MAP1B: variants seen among roughly 807,000 people sequenced by gnomAD.
MAP1B encodes the protein microtubule-associated protein 1B.
In MAP1B, 12 loss-of-function variants were observed where a neutral mutation model predicts 176.1. The observed-to-expected ratio is 0.07, with a 90% CI of 0.04 to 0.11. The LOEUF (loss-of-function observed/expected upper bound fraction) is 0.11, where lower values mean the gene tolerates loss of function less well. MAP1B is among the 10% of genes least tolerant of loss of function. MAP1B has a pLI of 1.00. For synonymous variants in MAP1B, 1,044 were observed against 1,135.0 expected, an observed-to-expected ratio of 0.92 and a Z score of 1.61; for missense variants, 2,523 against 2,990.5, an observed-to-expected ratio of 0.84 and a Z score of 3.65.
At chr5:72,128,408 TA>T (rs35834892) in intron 2 of MAP1B, among the ~76,000 whole-genome samples, 59,779 of 141,046 alleles carry the variant, frequency 0.42, 12,133 homozygotes, top group African/African-American at 0.47. Context: ...GATATTGTTT[TA>T]AAAAAAAAAA....
At chr5:72,169,252 T>G (rs747365381) in intron 2 of MAP1B, among the ~76,000 whole-genome samples, 27 of 152,210 alleles carry the variant, frequency 1.8e-4, no homozygotes, top group Non-Finnish European at 3.5e-4. Flanking sequence ...AAACAACTCC[T>G]GACACTTTGG....
chr5:72,174,971 C>T (rs1395493739), intron 2 of MAP1B, among the ~76,000 whole-genome samples: 1 of 119,442 alleles, frequency 8.4e-6, no homozygotes, highest in African/African-American at 3.2e-5. Flanking sequence ...CCTTCCTTCC[C>T]GCCTTCCCTC....
intron 2 of MAP1B, among the ~76,000 whole-genome samples, chr5:72,150,081 A>G (rs935913652): frequency 1.3e-5 from 2 of 152,160 alleles, no homozygotes; most frequent in Admixed American, 6.5e-5. Context: ...GTTTTTACCC[A>G]TTTTTTGAAA....
At chr5:72,131,332 T>C (rs1238895374) in intron 2 of MAP1B, among the ~76,000 whole-genome samples, 2 of 152,168 alleles carry the variant, frequency 1.3e-5, no homozygotes, top group Non-Finnish European at 2.9e-5. Context: ...ATTTTATTAT[T>C]ATTATTTTCC....
chr5:72,138,545 T>C (rs560877669), intron 2 of MAP1B, among the ~76,000 whole-genome samples: 1 of 152,304 alleles, frequency 6.6e-6, no homozygotes, highest in African/African-American at 2.4e-5. Context: ...AGCAGAGATA[T>C]GCACAAAAAA....
rs869167918 is a variant in MAP1B at position 72,163,930 on chromosome 5, CTTTTTTTTTTTTT to C, written c.287-19804_287-19792del. 1.1e-3 allele frequency among the ~76,000 whole-genome samples: 47 copies of C among 43,724 alleles called. 1 individual carries two copies. Among genetic ancestry groups the C allele is most frequent in the Non-Finnish European group, 2.0e-3 (40 of 19,696 alleles). 28.7% of individuals were successfully genotyped at this position (43,724 alleles called of 152,430 possible). On this transcript the variant is annotated intron_variant, in intron 2 of 6. Coordinates refer to ENST00000296755, the MANE Select transcript of MAP1B (RefSeq NM_005909.5). Reference sequence around the variant, plus strand: ...TCTCTCTCTCTCTTTTTTTTTTTTTCTTTTTTTTTTTTTTTTTTTTTGAGACAGGGTCTTGCTC... The same window carrying C: ...TCTCTCTCTCTCTTTTTTTTTTTTTCTTTTTTTTGAGACAGGGTCTTGCTC...
Position 72,200,004 on chromosome 5 carries a change from G to C in MAP1B, c.6649G>C (p.Val2217Leu). Residue 2217 changes from valine (V) to leucine (L), a missense_variant, in exon 5 of 7, where the codon GTG (valine) becomes CTG (leucine). Coordinates refer to ENST00000296755, the MANE Select transcript of MAP1B (RefSeq NM_005909.5). Reference sequence around the variant, plus strand: ...CAGCCCTTCGCCACGCCACCCTGATGTGTCCATGGTGGACCCAGAGGCCTT... The same window carrying C: ...CAGCCCTTCGCCACGCCACCCTGATCTGTCCATGGTGGACCCAGAGGCCTT... ...DRSPSPRHPDVSMVDPEALAI... is the reference protein window; with the variant it reads ...DRSPSPRHPDLSMVDPEALAI... 1 of 1,614,212 alleles carries C rather than the reference G, an allele frequency of 6.2e-7. No individual in the cohort carries two copies. Among genetic ancestry groups the C allele is most frequent in the Non-Finnish European group, 8.5e-7 (1 of 1,180,052 alleles).
chr5:72,152,420 A>G (rs977455080), intron 2 of MAP1B, among the ~76,000 whole-genome samples: 10 of 152,170 alleles, frequency 6.6e-5, no homozygotes, highest in African/African-American at 2.2e-4. Flanking sequence ...GAATAAAGAA[A>G]GCATTTGGAA....
chr5:72,199,637 G>A lies in MAP1B; in HGVS notation c.6282G>A (p.Lys2094=). ...CCTCTTGTGAATACAAGCACCCCAA[G>A]ACAGAGCTTTCACCCTCTTTCATTA... The part of the protein sequence containing the change: ...LVSSCEYKHP[K]TELSPSFINP... The change falls in exon 5 of 7, where the codon AAG becomes AAA. Residue 2094 remains lysine, a synonymous_variant. Transcript: ENST00000296755. This position sits in a 1 kb window ranked among gnomAD's most constrained non-coding sequence, Gnocchi z 4.2. 6.2e-7 allele frequency: 1 copy of A among 1,614,152 alleles called. No homozygotes were observed. Among genetic ancestry groups the A allele is most frequent in the Non-Finnish European group, 8.5e-7 (1 of 1,180,020 alleles).
At chr5:72,108,115 G>A (rs1745154991) in intron 1 of MAP1B, among the ~76,000 whole-genome samples, 1 of 152,162 alleles carries the variant, frequency 6.6e-6, no homozygotes, top group East Asian at 1.9e-4. Context: ...GAAAAGGCTG[G>A]GACCCCCACC....
intron 2 of MAP1B, among the ~76,000 whole-genome samples, chr5:72,154,253 C>T (rs1746191658): frequency 6.6e-6 from 1 of 152,046 alleles, no homozygotes; most frequent in South Asian, 2.1e-4. Flanking sequence ...GGATTTAGGG[C>T]CAAGGAATTA....
In MAP1B at chr5:72,198,996, T is replaced by A. The variant is rs1747255999; in HGVS notation, c.5641T>A (p.Ser1881Thr). 4.3e-6 allele frequency: 7 copies of A among 1,613,800 alleles called. No individual in the cohort carries two copies. In the South Asian group the frequency reaches 7.7e-5, roughly 18 times the overall value. ...TCAAAAGCCTGAGGAAACAACCAGG[T>A]CCCCAGATGAAGAAGATTATGACTA... ...AYQKPEETTR[S>T]PDEEDYDYES... The change falls in exon 5 of 7, where the codon TCC becomes ACC. Residue 1881 changes from serine (S) to threonine (T), a missense_variant. Ser to Thr is a moderately conservative substitution (Grantham distance 58). Transcript: ENST00000296755.
In MAP1B at chr5:72,197,010, A is replaced by G; in HGVS notation, c.3655A>G (p.Ser1219Gly). 6.2e-7 allele frequency: 1 copy of G among 1,614,214 alleles called. No homozygotes were observed. The stretch of plus-strand genomic sequence containing the variant: ...CTCTTCCATGGAGGAAGACAAATTC[A>G]GCAGATCTGCTTTACGTGATGCTTA... ...PPSSMEEDKF[S>G]RSALRDAYCS... is the part of the protein sequence containing the mutation. The change falls in exon 5 of 7, where the codon AGC becomes GGC. Residue 1219 changes from serine (S) to glycine (G), a missense_variant. Physicochemically the swap from Ser to Gly is moderately conservative, Grantham distance 56. Transcript: ENST00000296755.
rs758362612 is a variant in MAP1B, at chr5:72,195,958, A to C, written c.2603A>C (p.Lys868Thr). Reference protein sequence around the residue: ...LELIEDEEKLKETEPVEAYVI... With the variant: ...LELIEDEEKLTETEPVEAYVI... ...CTAATCGAAGACGAAGAGAAACTGA[A>C]GGAAACTGAGCCAGTCGAAGCCTAC... The change falls in exon 5 of 7, where the codon AAG (lysine) becomes ACG (threonine). Residue 868 changes from lysine (K) to threonine (T), a missense_variant. Lys to Thr is a moderately conservative substitution (Grantham distance 78). This residue lies in a region of MAP1B where 1,925 missense variants were observed against 2,126.0 expected (regional missense o/e 0.91). Coordinates refer to ENST00000296755, the MANE Select transcript of MAP1B (RefSeq NM_005909.5). 3 of 1,614,230 alleles carry C rather than the reference A, an allele frequency of 1.9e-6. No individual in the cohort carries two copies. The highest frequency in any genetic ancestry group is 2.5e-6 in the Non-Finnish European group (3 of 1,180,040).
intron 2 of MAP1B, among the ~76,000 whole-genome samples, chr5:72,178,120 A>G (rs1040092928): frequency 3.9e-5 from 6 of 152,188 alleles, no homozygotes; most frequent in African/African-American, 1.4e-4. Flanking sequence ...CTCGTGCCTC[A>G]GCCTCCCAAG....
At position 72,107,604 on chromosome 5, in the gene MAP1B, T is replaced by C; in HGVS notation, c.73T>C (p.Ser25Pro). Residue 25 changes from serine (S) to proline (P), a missense_variant, in exon 1 of 7, where the codon TCG (serine) becomes CCG (proline). Around this residue, in one of 4 missense-constraint regions of MAP1B, gnomAD observed 307 missense variants for 438.4 expected, o/e 0.70. Transcript: ENST00000296755. ...CATCGCCAACCCGGCGGCGTCCACC[T>C]CGCCTAGCCTGTCGCACCGCTTCCT... is the stretch of plus-strand genomic sequence containing the variant. ...GSIANPAAST[S>P]PSLSHRFLDS... 1 of 1,596,284 alleles carries C rather than the reference T, an allele frequency of 6.3e-7. No homozygotes were observed. Among genetic ancestry groups the C allele is most frequent in the Non-Finnish European group, 8.5e-7 (1 of 1,177,718 alleles).
chr5:72,176,638 A>T (rs73125449), intron 2 of MAP1B, among the ~76,000 whole-genome samples: 1 of 152,230 alleles, frequency 6.6e-6, no homozygotes, highest in Admixed American at 6.5e-5. Flanking sequence ...TCAAAGGATT[A>T]GATTTTGTCA....
rs1747220973 is a variant in MAP1B at position 72,197,791 on chromosome 5, A to ATGATGT, written c.4440_4445dup (p.Asp1480_Val1481dup). The ATGATGT allele has an allele frequency of 6.2e-7, 1 of 1,614,130 alleles. No homozygotes were observed. The highest frequency in any genetic ancestry group is 8.5e-7 in the Non-Finnish European group (1 of 1,180,052). On this transcript the variant is annotated inframe_insertion, in exon 5 of 7. Coordinates refer to ENST00000296755, the MANE Select transcript of MAP1B (RefSeq NM_005909.5). ...GACTTTGGCCAAGAAAAGAAAACTGATGATGTTGAAGCCATGAGTTCTCAA... is the reference window on the plus strand; with the variant it reads ...GACTTTGGCCAAGAAAAGAAAACTGATGATGTTGATGTTGAAGCCATGAGTTCTCAA...
rs1405914113 is a variant in MAP1B at position 72,107,606 on chromosome 5, G to C, written c.75G>C (p.Ser25=). The C allele has an allele frequency of 6.3e-7, 1 of 1,596,902 alleles. No individual in the cohort carries two copies. The highest frequency in any genetic ancestry group is 1.3e-5 in the African/African-American group (1 of 74,780). The change falls in exon 1 of 7, where the codon TCG becomes TCC. Residue 25 remains serine, a synonymous_variant. Transcript: ENST00000296755. ...GSIANPAAST[S]PSLSHRFLDS... ...TCGCCAACCCGGCGGCGTCCACCTC[G>C]CCTAGCCTGTCGCACCGCTTCCTTG...
Sources: allele counts gnomAD v4.1 joint callset (sites outside exome capture counted in the v4.1 genomes callset), GRCh38; gene constraint gnomAD v4.1.1; regional missense constraint gnomAD v4.1.1; non-coding constraint Gnocchi (gnomAD v3.1); transcripts MANE v1.5; gene names NCBI Gene and HGNC (gene_info 2026-07-23, HGNC 2026-07-21).